RNF125: variants seen among roughly 807,000 people sequenced by gnomAD.
The protein encoded by RNF125 is E3 ubiquitin-protein ligase RNF125.
Under a neutral mutation model 26.0 loss-of-function variants are expected in RNF125, and 21 were observed. That is an observed-to-expected ratio of 0.81 (90% confidence interval 0.57 to 1.16). RNF125 has a LOEUF of 1.16. Ranked by LOEUF, RNF125 falls within the 50% of genes most tolerant of loss-of-function variation. The pLI is 0.00. For missense variants in RNF125, 270 were observed against 299.4 expected, an observed-to-expected ratio of 0.90 and a Z score of 0.72; for synonymous variants, 95 against 109.2, an observed-to-expected ratio of 0.87 and a Z score of 0.81.
downstream of RNF125, among the ~76,000 whole-genome samples, chr18:32,077,691 A>T (rs1056038806): frequency 1.3e-5 from 2 of 151,998 alleles, no homozygotes; most frequent in Non-Finnish European, 2.9e-5. Context: ...GAAGAAAAAA[A>T]TCATAATATT....
At chr18:32,085,989 A>C in the RNF125 span, among the ~76,000 whole-genome samples, 1 of 152,222 alleles carries the variant, frequency 6.6e-6, no homozygotes, top group South Asian at 2.1e-4. Context: ...TGTTTAATTA[A>C]TCTTGATTAA....
intron 4 of RNF125, among the ~76,000 whole-genome samples, chr18:32,055,122 C>A (rs2039367459): frequency 6.6e-6 from 1 of 151,602 alleles, no homozygotes; most frequent in Non-Finnish European, 1.5e-5. Context: ...CGGAGCAAGA[C>A]CCTGTCTCTA....
chr18:32,023,376 C>T (rs1370314094), intron 1 of RNF125, among the ~76,000 whole-genome samples: 1 of 152,114 alleles, frequency 6.6e-6, no homozygotes. Context: ...TGGTCTTGAA[C>T]CCCTGAGCTC....
intron 4 of RNF125, among the ~76,000 whole-genome samples, chr18:32,062,514 AAAT>A (rs1163877190): frequency 2.6e-5 from 4 of 152,228 alleles, no homozygotes; most frequent in African/African-American, 9.6e-5. Flanking sequence ...ATTTTACTAA[AAAT>A]AAGATGTAAA....
intron 4 of RNF125, among the ~76,000 whole-genome samples, chr18:32,046,844 T>G (rs116006910): frequency 0.016 from 2,385 of 151,948 alleles, 65 homozygotes; most frequent in African/African-American, 0.054. Flanking sequence ...TTTTGTATAG[T>G]TGTGAGGTAA....
intron 2 of RNF125, among the ~76,000 whole-genome samples, chr18:32,038,058 T>C (rs1266023557): frequency 6.7e-6 from 1 of 148,160 alleles, no homozygotes; most frequent in Admixed American, 6.7e-5. Context: ...TTTTTTTTTT[T>C]TTTTTTTTGA....
intron 4 of RNF125, among the ~76,000 whole-genome samples, chr18:32,047,990 T>C (rs1444829583): frequency 1.3e-5 from 2 of 151,848 alleles, no homozygotes; most frequent in African/African-American, 4.8e-5. Context: ...TAGCAAGGCA[T>C]GGTGGCATGC....
chr18:32,089,667 T>C, the RNF125 span, among the ~76,000 whole-genome samples: 1 of 152,362 alleles, frequency 6.6e-6, no homozygotes, highest in East Asian at 1.9e-4. Context: ...ATCTATATTT[T>C]TCTTATGTCC....
At position 32,052,239 on chromosome 18, in the gene RNF125, A is replaced by G. The variant is rs1352494598; in HGVS notation, c.504+6507A>G. On this transcript the variant is annotated intron_variant, in intron 4 of 5. Coordinates refer to ENST00000217740, the MANE Select transcript of RNF125 (RefSeq NM_017831.4). The stretch of plus-strand genomic sequence containing the variant: ...GCCGGGTGTGGTGGCTCGTGCCTGT[A>G]ATCCCAGCACTTTGGGAGGCTGAGG... Among the ~76,000 whole-genome samples the G allele has an allele frequency of 2.6e-5, 4 of 151,872 alleles. No individual in the cohort carries two copies. The East Asian group carries it at 7.8e-4, about 30-fold the overall frequency.
chr18:32,081,169 A>G, the RNF125 span, among the ~76,000 whole-genome samples: 2 of 139,630 alleles, frequency 1.4e-5, no homozygotes, highest in Admixed American at 1.6e-4. Flanking sequence ...ACTCCATCCT[A>G]GGCAACAGAG....
At chr18:32,081,825 A>T in the RNF125 span, among the ~76,000 whole-genome samples, 5 of 152,294 alleles carry the variant, frequency 3.3e-5, no homozygotes, top group Admixed American at 3.3e-4. Context: ...ATTTTTCCTG[A>T]GCACTTTCAA....
At chr18:32,058,394 A>G (rs1598824341) in intron 4 of RNF125, among the ~76,000 whole-genome samples, 2 of 151,820 alleles carry the variant, frequency 1.3e-5, no homozygotes, top group East Asian at 3.9e-4. Context: ...CGCCCAGGCT[A>G]GAGTGCAGTG....
chr18:32,022,099 T>C (rs1016789973), intron 1 of RNF125, among the ~76,000 whole-genome samples: 1 of 152,244 alleles, frequency 6.6e-6, no homozygotes, highest in Non-Finnish European at 1.5e-5. Flanking sequence ...CTCTTTTCCA[T>C]TGAAATTAAG....
chr18:32,021,453 A>G (rs190476662), intron 1 of RNF125, among the ~76,000 whole-genome samples: 1,790 of 151,364 alleles, frequency 0.012, 29 homozygotes, highest in African/African-American at 0.039. Flanking sequence ...CCTCCTTTCT[A>G]TTACTGATGT....
chr18:32,035,234 T>A (rs1026215574), intron 1 of RNF125, among the ~76,000 whole-genome samples: 1 of 152,186 alleles, frequency 6.6e-6, no homozygotes, highest in African/African-American at 2.4e-5. Context: ...TGGACAGGTA[T>A]AAACAACAAG....
the RNF125 span, among the ~76,000 whole-genome samples, chr18:32,080,859 G>C: frequency 6.6e-6 from 1 of 152,192 alleles, no homozygotes; most frequent in Non-Finnish European, 1.5e-5. Context: ...CTGGGGGACT[G>C]TGCGAGACTG....
intron 4 of RNF125, among the ~76,000 whole-genome samples, chr18:32,052,408 G>A (rs2039337583): frequency 6.6e-6 from 1 of 150,602 alleles, no homozygotes; most frequent in Non-Finnish European, 1.5e-5. Context: ...CAGGAGAATT[G>A]TTTGAACCTG....
downstream of RNF125, among the ~76,000 whole-genome samples, chr18:32,077,902 C>T (rs2039581014): frequency 6.6e-6 from 1 of 151,960 alleles, no homozygotes; most frequent in Non-Finnish European, 1.5e-5. Flanking sequence ...GATCCTCCTA[C>T]CTCAGCCTCC....
At chr18:32,056,712 A>T (rs1333735123) in intron 4 of RNF125, among the ~76,000 whole-genome samples, 17 of 111,406 alleles carry the variant, frequency 1.5e-4, no homozygotes, top group South Asian at 5.2e-4. Context: ...AAAAAAATTT[A>T]AAAAAAAGAG....
Sources: allele counts gnomAD v4.1 joint callset (sites outside exome capture counted in the v4.1 genomes callset), GRCh38; gene constraint gnomAD v4.1.1; transcripts MANE v1.5; gene names NCBI Gene and HGNC (gene_info 2026-07-23, HGNC 2026-07-21).